SPCS3: variants seen among roughly 807,000 people sequenced by gnomAD.
The protein encoded by SPCS3 is SPase 22 kDa subunit.
In SPCS3, 9 loss-of-function variants were observed where a neutral mutation model predicts 17.2. That is an observed-to-expected ratio of 0.52 (90% CI 0.31 to 0.91). The LOEUF is 0.91. Ranked by LOEUF, SPCS3 falls within the 40% of genes least tolerant of loss-of-function variation. SPCS3 has a pLI of 0.04. For missense variants in SPCS3, 139 were observed against 217.5 expected (o/e 0.64, Z 2.27); for synonymous variants, 87 against 89.6 (o/e 0.97, Z 0.16).
intron 3 of SPCS3, among the ~76,000 whole-genome samples, chr4:176,326,072 G>A (rs1486985115): frequency 6.6e-6 from 1 of 152,132 alleles, no homozygotes; most frequent in Non-Finnish European, 1.5e-5. Context: ...GGCTGAGGCA[G>A]GTGGACCACC....
Position 176,328,420 on chromosome 4 carries a change from T to G in SPCS3, c.*90T>G, listed in dbSNP as rs1731636946. The G allele has an allele frequency of 8.6e-7, 1 of 1,161,994 alleles. No individual in the cohort carries two copies. The highest frequency in any genetic ancestry group is 1.1e-6 in the Non-Finnish European group (1 of 898,902). The allele number at this position is 1,161,994 out of a possible 1,614,324, so 72.0% of individuals were successfully genotyped here. A position where few individuals can be genotyped will look rare whatever the true frequency, so the allele number is the denominator to read the frequency against. ...CTTACATCTTCATGTATTGTTGGTT[T>G]GTTTTTTGGTTTTGGGTTTTTTTTT... On this transcript the variant is annotated 3_prime_UTR_variant, in exon 5 of 5. Transcript: ENST00000503362.
chr4:176,320,158 A>C lies in SPCS3; in HGVS notation c.82A>C (p.Ile28Leu). Reference sequence around the variant, plus strand: ...GGCGGCGCTCACCTTCGGCTGCTTCATCACCACCGCCTTCAAAGACAGGAG... The same window carrying C: ...GGCGGCGCTCACCTTCGGCTGCTTCCTCACCACCGCCTTCAAAGACAGGAG... Reference protein sequence around the residue: ...VMAALTFGCFITTAFKDRSVP... With the variant: ...VMAALTFGCFLTTAFKDRSVP... The change falls in exon 1 of 5, where the codon ATC becomes CTC. Residue 28 changes from isoleucine (I) to leucine (L), a missense_variant. Coordinates refer to ENST00000503362, the MANE Select transcript of SPCS3 (RefSeq NM_021928.4). The C allele has an allele frequency of 6.3e-7, 1 of 1,583,646 alleles. No individual in the cohort carries two copies. The highest frequency in any genetic ancestry group is 2.5e-5 in the East Asian group (1 of 40,800).
At chr4:176,322,270 C>T (rs1363349868) in intron 2 of SPCS3, 27 bp downstream of exon 2, 15 of 1,462,352 alleles carry the variant, frequency 1.0e-5, no homozygotes, top group Non-Finnish European at 1.4e-5. Context: ...TATTTCGTTG[C>T]GTTTTCTGTA....
chr4:176,322,672 G>T (rs1409631878), intron 2 of SPCS3, among the ~76,000 whole-genome samples: 1 of 152,118 alleles, frequency 6.6e-6, no homozygotes, highest in East Asian at 1.9e-4. Context: ...AATTACGTGT[G>T]TTATGATTTG....
At chr4:176,328,054 T>G in intron 4 of SPCS3, 144 bp from the exon 5 acceptor site, 1 of 719,444 alleles carries the variant, frequency 1.4e-6, no homozygotes, top group Non-Finnish European at 2.2e-6. Flanking sequence ...GAGAAAATAG[T>G]TCTTTTTGCA....
chr4:176,327,456 A>G (rs71613790), intron 4 of SPCS3, 179 bp downstream of exon 4: 40,715 of 420,554 alleles, frequency 0.097, 2,306 homozygotes, highest in Non-Finnish European at 0.11. Context: ...AAGATAAGCA[A>G]TTCTCTTGCA....
At position 176,329,409 on chromosome 4, in the gene SPCS3, T is replaced by G. The variant is rs1043502566; in HGVS notation, c.*1079T>G. The G allele has an allele frequency of 1.2e-4, 19 of 152,140 alleles. No individual in the cohort carries two copies. Among genetic ancestry groups the G allele is most frequent in the African/African-American group, 4.3e-4 (18 of 41,440 alleles). 9.4% of individuals were successfully genotyped at this position (152,140 alleles called of 1,614,324 possible). A position where few individuals can be genotyped will look rare whatever the true frequency, so the allele number is the denominator to read the frequency against. Reference sequence around the variant, plus strand: ...CAGATCTTCTAATTTTCTGAGCTCATCCTTTCTCTTATACCTCAGATTGCA... The same window carrying G: ...CAGATCTTCTAATTTTCTGAGCTCAGCCTTTCTCTTATACCTCAGATTGCA... On this transcript the variant is annotated 3_prime_UTR_variant, in exon 5 of 5. Transcript: ENST00000503362.
rs954604521 is a variant in SPCS3, at chr4:176,328,930, T to C, written c.*600T>C. The C allele has an allele frequency of 3.3e-5, 5 of 152,202 alleles. No homozygotes were observed. The highest frequency in any genetic ancestry group is 9.6e-5 in the African/African-American group (4 of 41,470). 9.4% of individuals were successfully genotyped at this position (152,202 alleles called of 1,614,324 possible). On this transcript the variant is annotated 3_prime_UTR_variant, in exon 5 of 5. Coordinates refer to ENST00000503362, the MANE Select transcript of SPCS3 (RefSeq NM_021928.4). ...ACATGTGACTAGCAACTTTCTCCAC[T>C]TAAAGACTAAATACCTCTTTATATG...
chr4:176,325,664 G>A (rs1731596750), intron 3 of SPCS3, among the ~76,000 whole-genome samples: 2 of 151,792 alleles, frequency 1.3e-5, no homozygotes, highest in African/African-American at 4.8e-5. Flanking sequence ...AGAACAATTT[G>A]CCTTTGTTTT....
chr4:176,325,793 G>T (rs1205923403), intron 3 of SPCS3, among the ~76,000 whole-genome samples: 1 of 151,852 alleles, frequency 6.6e-6, no homozygotes, highest in Admixed American at 6.6e-5. Flanking sequence ...GTCCAGGCTG[G>T]AGTACAGTAG....
intron 1 of SPCS3, 123 bp from the exon 2 acceptor site, chr4:176,322,046 AC>A (rs1278496364): frequency 1.1e-5 from 6 of 540,504 alleles, no homozygotes; most frequent in Admixed American, 7.3e-5. Context: ...TCTGGTGTTT[AC>A]TCGTTTCTTT....
At position 176,329,277 on chromosome 4, in the gene SPCS3, A is replaced by G. The variant is rs1417695296; in HGVS notation, c.*947A>G. 2.6e-5 allele frequency: 4 copies of G among 152,146 alleles called. No homozygotes were observed. The highest frequency in any genetic ancestry group is 2.1e-4 in the South Asian group (1 of 4,822). 9.4% of individuals were successfully genotyped at this position (152,146 alleles called of 1,614,324 possible). A position where few individuals can be genotyped will look rare whatever the true frequency, so the allele number is the denominator to read the frequency against. On this transcript the variant is annotated 3_prime_UTR_variant, in exon 5 of 5. Transcript: ENST00000503362. ...TCATCCTCAATAATCTAATGAGGTA[A>G]GTAGTATAAGTGTTAGCTCTTTGCA...
At chr4:176,322,788 G>A (rs939567000) in intron 2 of SPCS3, among the ~76,000 whole-genome samples, 7 of 152,160 alleles carry the variant, frequency 4.6e-5, no homozygotes, top group African/African-American at 1.7e-4. Flanking sequence ...AATTATAAGA[G>A]TTTCTTTGGT....
Position 176,330,659 on chromosome 4 carries a change from T to A in SPCS3, c.*2329T>A, listed in dbSNP as rs148201775. ...CAGTTTCTACATTTAAAAAATTGAC[T>A]TGTGTTCAGTTTGATAACCAGTTCA... On this transcript the variant is annotated 3_prime_UTR_variant, in exon 5 of 5. Transcript: ENST00000503362. The A allele has an allele frequency of 2.6e-5, 4 of 152,296 alleles. No homozygotes were observed. The highest frequency in any genetic ancestry group is 4.1e-4 in the South Asian group (2 of 4,832). 9.4% of individuals were successfully genotyped at this position (152,296 alleles called of 1,614,324 possible).
At chr4:176,326,124 A>AC (rs1285697309) in intron 3 of SPCS3, among the ~76,000 whole-genome samples, 2 of 151,574 alleles carry the variant, frequency 1.3e-5, no homozygotes, top group Admixed American at 1.3e-4. Flanking sequence ...ACATGGTGAA[A>AC]CCCCATCTCT....
In SPCS3 at chr4:176,331,864, C is replaced by T. The variant is rs965474302; in HGVS notation, c.*3534C>T. ...TCGGCCTCCCAAAGTGTTAGGATAA[C>T]AGGTGTGAGCCACCGTGCCCGGCTG... On this transcript the variant is annotated 3_prime_UTR_variant, in exon 5 of 5. Coordinates refer to ENST00000503362, the MANE Select transcript of SPCS3 (RefSeq NM_021928.4). The T allele has an allele frequency of 6.6e-6, 1 of 152,224 alleles. No homozygotes were observed. The highest frequency in any genetic ancestry group is 1.5e-5 in the Non-Finnish European group (1 of 68,036). 9.4% of individuals were successfully genotyped at this position (152,224 alleles called of 1,614,324 possible). A position where few individuals can be genotyped will look rare whatever the true frequency, so the allele number is the denominator to read the frequency against.
intron 3 of SPCS3, 29 bp downstream of exon 3, chr4:176,324,286 A>G: frequency 1.0e-6 from 1 of 983,214 alleles, no homozygotes; most frequent in Non-Finnish European, 1.4e-6. Context: ...AAGTATTTTA[A>G]TAGCTATTTA....
At chr4:176,321,629 A>AC (rs1224712266) in intron 1 of SPCS3, 1 of 152,384 alleles carries the variant, frequency 6.6e-6, no homozygotes, top group African/African-American at 2.4e-5. Context: ...ATAAGAGATT[A>AC]ACAATAACAT....
In SPCS3 at chr4:176,331,480, C is replaced by A. The variant is rs1311699699; in HGVS notation, c.*3150C>A. The A allele has an allele frequency of 1.3e-5, 2 of 152,062 alleles. No individual in the cohort carries two copies. The highest frequency in any genetic ancestry group is 2.9e-5 in the Non-Finnish European group (2 of 68,006). 9.4% of individuals were successfully genotyped at this position (152,062 alleles called of 1,614,324 possible). A position where few individuals can be genotyped will look rare whatever the true frequency, so the allele number is the denominator to read the frequency against. ...AAAGAGATGTTTCAAAAAATTGTTG[C>A]ATGTTTTTGATGCAATTTGGGAAAT... On this transcript the variant is annotated 3_prime_UTR_variant, in exon 5 of 5. Transcript: ENST00000503362.
Sources: allele counts gnomAD v4.1 joint callset (sites outside exome capture counted in the v4.1 genomes callset), GRCh38; gene constraint gnomAD v4.1.1; transcripts MANE v1.5; gene names NCBI Gene and HGNC (gene_info 2026-07-23, HGNC 2026-07-21).